The following DAGLA variants were observed in gnomAD, a reference collection of about 807,000 sequenced individuals.
DAGLA encodes diacylglycerol lipase-alpha.
Under a neutral mutation model 102.6 loss-of-function variants are expected in DAGLA, and 22 were observed. The ratio of observed to expected loss-of-function variants is 0.21; its 90% CI spans 0.15 to 0.31. The LOEUF (loss-of-function observed/expected upper bound fraction) is 0.31, where lower values mean the gene tolerates loss of function less well. Among genes scored for constraint, DAGLA ranks in the 10% least tolerant of loss-of-function variants. DAGLA has a pLI of 1.00. For missense variants in DAGLA, 927 were observed against 1,446.6 expected (o/e 0.64, Z 5.83); for synonymous variants, 578 against 628.9 (o/e 0.92, Z 1.21).
chr11:61,735,420 G>A (rs1431710799), intron 10 of DAGLA, 141 bp from the exon 11 acceptor site: 7 of 713,784 alleles, frequency 9.8e-6, no homozygotes, highest in Non-Finnish European at 1.4e-5. Context: ...GACCCTGGGA[G>A]CCCGTCAGCC....
At position 61,726,035 on chromosome 11, in the gene DAGLA, C is replaced by T. The variant is rs373451020; in HGVS notation, c.589C>T (p.Arg197Trp). Residue 197 changes from arginine (R) to tryptophan (W), a missense_variant, in exon 6 of 20, where the codon CGG becomes TGG. By Grantham distance (101) the Arg-to-Trp change is moderately radical. Transcript: ENST00000257215. The part of the protein sequence containing the change: ...EEGQATSWSR[R>W]LKVFLCCTRT... ...GGGTCAAGCCACCAGCTGGTCGCGCCGGCTCAAAGTGTTCCTCTGCTGCAC... is the reference window on the plus strand; with the variant it reads ...GGGTCAAGCCACCAGCTGGTCGCGCTGGCTCAAAGTGTTCCTCTGCTGCAC... The T allele has an allele frequency of 2.4e-5, 39 of 1,613,324 alleles. No individual in the cohort carries two copies. The highest frequency in any genetic ancestry group is 4.5e-5 in the East Asian group (2 of 44,906).
Position 61,734,898 on chromosome 11 carries a change from G to C in DAGLA, c.1024G>C (p.Glu342Gln). Residue 342 changes from glutamate to glutamine, a missense_variant, in exon 10 of 20, where the codon GAG (glutamate) becomes CAG (glutamine). By Grantham distance (29) the Glu-to-Gln change is conservative. This residue lies in a region of DAGLA where 218 missense variants were observed against 459.6 expected (regional missense o/e 0.47). Transcript: ENST00000257215. The surrounding 1 kb of genome is among the most constrained non-coding windows in gnomAD (Gnocchi z 4.2). ...RPRFAPGVTIEEDNCCGCNAI... is the reference protein window; with the variant it reads ...RPRFAPGVTIQEDNCCGCNAI... ...GCGGTTCGCCCCTGGAGTCACCATC[G>C]AGGAAGACAACTGCTGTGGCTGTAA... The C allele has an allele frequency of 6.2e-7, 1 of 1,614,096 alleles. No individual in the cohort carries two copies. The highest frequency in any genetic ancestry group is 8.5e-7 in the Non-Finnish European group (1 of 1,179,962).
intron 1 of DAGLA, among the ~76,000 whole-genome samples, chr11:61,719,807 G>A (rs1248942156): frequency 1.3e-5 from 2 of 152,134 alleles, no homozygotes; most frequent in African/African-American, 2.4e-5. Flanking sequence ...AGGAGGAAAC[G>A]GGGTCTTTAA....
chr11:61,717,791 G>C (rs913328340), intron 1 of DAGLA, among the ~76,000 whole-genome samples: 1 of 152,168 alleles, frequency 6.6e-6, no homozygotes, highest in African/African-American at 2.4e-5. Flanking sequence ...TACTGCTGTT[G>C]ACCATGGCAA....
chr11:61,723,010 G>C (rs2065297326), intron 4 of DAGLA, 50 bp downstream of exon 4: 1 of 1,431,588 alleles, frequency 7.0e-7, no homozygotes, highest in East Asian at 2.3e-5. Context: ...GGGGGCACAG[G>C]GGACGAGATC....
intron 7 of DAGLA, 97 bp from the exon 8 acceptor site, chr11:61,728,834 T>C (rs1022296072): frequency 5.6e-6 from 6 of 1,064,834 alleles, no homozygotes; most frequent in Non-Finnish European, 8.6e-6. Flanking sequence ...TCTCGGCCTT[T>C]GGGAAGCAGG....
chr11:61,736,638 C>G (rs369345725), intron 13 of DAGLA, among the ~76,000 whole-genome samples: 3 of 152,316 alleles, frequency 2.0e-5, no homozygotes, highest in East Asian at 3.9e-4. Flanking sequence ...GCTGCAGAAC[C>G]GTTTGTCAGA....
chr11:61,687,488 C>T (rs970455270), intron 1 of DAGLA, among the ~76,000 whole-genome samples: 3 of 152,174 alleles, frequency 2.0e-5, no homozygotes, highest in African/African-American at 4.8e-5. Flanking sequence ...CGTGCCACCA[C>T]GTCCGGCTGA....
At chr11:61,710,195 G>T (rs886462723) in intron 1 of DAGLA, among the ~76,000 whole-genome samples, 1 of 152,108 alleles carries the variant, frequency 6.6e-6, no homozygotes, top group Non-Finnish European at 1.5e-5. Flanking sequence ...AAGCCAGAGC[G>T]CTGGGATTCG....
intron 1 of DAGLA, among the ~76,000 whole-genome samples, chr11:61,711,001 C>T (rs2065189967): frequency 6.6e-6 from 1 of 152,208 alleles, no homozygotes; most frequent in Non-Finnish European, 1.5e-5. Context: ...CTGCCCTGCT[C>T]TGGGGCCAGA....
rs1212116120 is a variant in DAGLA at position 61,737,304 on chromosome 11, C to A, written c.1494C>A (p.Ser498=). The A allele has an allele frequency of 2.5e-6, 4 of 1,611,786 alleles. No individual in the cohort carries two copies. Among genetic ancestry groups the A allele is most frequent in the Non-Finnish European group, 3.4e-6 (4 of 1,180,022 alleles). The change falls in exon 14 of 20, where the codon TCC becomes TCA. Residue 498 remains serine (S), a synonymous_variant. Transcript: ENST00000257215. ...CGACCCTCAAGTGCTTTGCCTACTCCCCGCCAGGGGGCCTGCTGAGGTGAG... is the reference window on the plus strand; with the variant it reads ...CGACCCTCAAGTGCTTTGCCTACTCACCGCCAGGGGGCCTGCTGAGGTGAG... ...QYPTLKCFAY[S]PPGGLLSEDA...
At chr11:61,717,634 C>T (rs1021546431) in intron 1 of DAGLA, among the ~76,000 whole-genome samples, 1 of 152,182 alleles carries the variant, frequency 6.6e-6, no homozygotes, top group Non-Finnish European at 1.5e-5. Flanking sequence ...GTGGTAGAGC[C>T]CAGGTTCAAA....
chr11:61,739,700 G>T, intron 17 of DAGLA, 39 bp downstream of exon 17: 1 of 1,597,232 alleles, frequency 6.3e-7, no homozygotes. Flanking sequence ...GGGGGTAGTG[G>T]CCAGGGCAGG....
intron 1 of DAGLA, among the ~76,000 whole-genome samples, chr11:61,711,642 A>T (rs969938745): frequency 1.3e-5 from 2 of 152,250 alleles, no homozygotes; most frequent in South Asian, 4.1e-4. Context: ...AAAGGCCTCA[A>T]TTGATTCCCA....
At chr11:61,694,088 G>A (rs2135553770) in intron 1 of DAGLA, among the ~76,000 whole-genome samples, 1 of 152,390 alleles carries the variant, frequency 6.6e-6, no homozygotes, top group South Asian at 2.1e-4. Flanking sequence ...GGCAGCCAAG[G>A]ATGGGGCAGA....
chr11:61,707,983 TTATTTATG>T (rs58259012), intron 1 of DAGLA, among the ~76,000 whole-genome samples: 3,156 of 151,816 alleles, frequency 0.021, 108 homozygotes, highest in African/African-American at 0.072. Flanking sequence ...AGAAGGGAAT[TTATTTATG>T]TATTTATTTA....
At chr11:61,708,619 G>T (rs1007381982) in intron 1 of DAGLA, among the ~76,000 whole-genome samples, 16 of 151,476 alleles carry the variant, frequency 1.1e-4, no homozygotes, top group African/African-American at 3.9e-4. Flanking sequence ...TCCTGACGTC[G>T]TGATCCACCC....
Sources: allele counts gnomAD v4.1 joint callset (sites outside exome capture counted in the v4.1 genomes callset), GRCh38; gene constraint gnomAD v4.1.1; regional missense constraint gnomAD v4.1.1; non-coding constraint Gnocchi (gnomAD v3.1); transcripts MANE v1.5; gene names NCBI Gene and HGNC (gene_info 2026-07-23, HGNC 2026-07-21).